CSNK1A1: variants seen among roughly 807,000 people sequenced by gnomAD.
CSNK1A1 encodes the protein casein kinase I isoform alpha.
In CSNK1A1, 7 loss-of-function variants were observed where a neutral mutation model predicts 46.1. The observed-to-expected ratio is 0.15, with a 90% CI of 0.09 to 0.29. CSNK1A1 has a LOEUF of 0.29. CSNK1A1 is among the 10% of genes least tolerant of loss of function. The pLI is 1.00. For missense variants in CSNK1A1, 96 were observed against 417.1 expected (o/e 0.23, Z 6.71); for synonymous variants, 137 against 141.5 (o/e 0.97, Z 0.23).
intron 2 of CSNK1A1, among the ~76,000 whole-genome samples, chr5:149,548,936 G>A (rs1010675387): frequency 2.6e-5 from 4 of 152,186 alleles, no homozygotes; most frequent in Non-Finnish European, 5.9e-5. Flanking sequence ...GATTATTGCT[G>A]GAAAATAGCT....
At chr5:149,514,680 T>C (rs967131323) in intron 4 of CSNK1A1, among the ~76,000 whole-genome samples, 2 of 152,328 alleles carry the variant, frequency 1.3e-5, no homozygotes, top group African/African-American at 2.4e-5. Flanking sequence ...ATTTAGGTTA[T>C]AAAGATCTGA....
Position 149,545,918 on chromosome 5 carries a change from T to C in CSNK1A1, c.230+4157A>G, listed in dbSNP as rs530715059. The C allele has an allele frequency of 2.0e-4, 48 of 240,820 alleles. No homozygotes were observed. The Admixed American group carries it at 2.4e-3, about 12-fold the overall frequency. The allele number at this position is 240,820 out of a possible 1,614,324, so 14.9% of individuals were successfully genotyped here. On this transcript the variant is annotated intron_variant, in intron 2 of 9. Transcript: ENST00000377843. ...GCTTTTTTTTTTTTGATACGGAGCC[T>C]CATTCTGTCGCCCAGGCTGGAGTGC...
intron 2 of CSNK1A1, chr5:149,549,387 A>C: frequency 1.5e-6 from 1 of 680,230 alleles, no homozygotes; most frequent in South Asian, 1.5e-5. Flanking sequence ...GTAATTCAAC[A>C]ATTTCGTGTC....
At chr5:149,497,935 G>A (rs1760705518) in intron 9 of CSNK1A1, 2 of 717,316 alleles carry the variant, frequency 2.8e-6, no homozygotes, top group Non-Finnish European at 3.4e-6. Flanking sequence ...CTGGGTTCAA[G>A]CGATTCTCCT....
At chr5:149,503,415 G>A in intron 9 of CSNK1A1, 1 of 985,398 alleles carries the variant, frequency 1.0e-6, no homozygotes, top group South Asian at 4.7e-5. Flanking sequence ...TCTGTGAAAT[G>A]GCACTTTTCA....
chr5:149,535,563 A>G (rs1443403497), intron 2 of CSNK1A1, among the ~76,000 whole-genome samples: 2 of 152,170 alleles, frequency 1.3e-5, no homozygotes, highest in Non-Finnish European at 2.9e-5. Flanking sequence ...TTTCAGAAAG[A>G]AAAAAAGAAA....
At position 149,495,792 on chromosome 5, in the gene CSNK1A1, T is replaced by G. The variant is rs1017070394; in HGVS notation, c.*1061A>C. 2 of 151,394 alleles carry G rather than the reference T, an allele frequency of 1.3e-5. No individual in the cohort carries two copies. The highest frequency in any genetic ancestry group is 2.4e-5 in the African/African-American group (1 of 41,154). 9.4% of individuals were successfully genotyped at this position (151,394 alleles called of 1,614,324 possible). A position where few individuals can be genotyped will look rare whatever the true frequency, so the allele number is the denominator to read the frequency against. On this transcript the variant is annotated 3_prime_UTR_variant, in exon 10 of 10. Coordinates refer to ENST00000377843, the MANE Select transcript of CSNK1A1 (RefSeq NM_001892.6). ...AAAAATGAAAGAATGCCTTTCCCCT[T>G]CAGACAAAAGAATTACTTTTTTCAT...
chr5:149,538,571 G>C (rs1762135998), intron 2 of CSNK1A1, among the ~76,000 whole-genome samples: 1 of 152,180 alleles, frequency 6.6e-6, no homozygotes, highest in African/African-American at 2.4e-5. Context: ...TGTAAGTACA[G>C]CTTGGTGGTA....
chr5:149,501,609 A>G, intron 9 of CSNK1A1: 1 of 985,152 alleles, frequency 1.0e-6, no homozygotes. Context: ...TTATGATAAA[A>G]CTCTGCTTAG....
At chr5:149,537,090 G>A (rs758674377) in intron 2 of CSNK1A1, among the ~76,000 whole-genome samples, 3 of 152,122 alleles carry the variant, frequency 2.0e-5, no homozygotes, top group South Asian at 2.1e-4. Flanking sequence ...AAAAGCAGTC[G>A]CCTGGCCAGG....
At chr5:149,510,643 TA>T (rs1444773485) in intron 6 of CSNK1A1, among the ~76,000 whole-genome samples, 1 of 151,788 alleles carries the variant, frequency 6.6e-6, no homozygotes, top group African/African-American at 2.4e-5. Flanking sequence ...TACACCCTGC[TA>T]TTTTTTTTTT....
At chr5:149,524,984 T>C in intron 3 of CSNK1A1, 61 bp downstream of exon 3, 1 of 1,444,712 alleles carries the variant, frequency 6.9e-7, no homozygotes, top group Non-Finnish European at 9.3e-7. Flanking sequence ...GATTTATGAA[T>C]AATGAAATTC....
chr5:149,514,283 G>A (rs1761330689), intron 4 of CSNK1A1, among the ~76,000 whole-genome samples: 1 of 152,120 alleles, frequency 6.6e-6, no homozygotes, highest in Non-Finnish European at 1.5e-5. Flanking sequence ...GTAGCTAATT[G>A]TTGTATGTAA....
chr5:149,531,208 C>T (rs891242925), intron 2 of CSNK1A1, among the ~76,000 whole-genome samples: 2 of 152,084 alleles, frequency 1.3e-5, no homozygotes, highest in East Asian at 1.9e-4. Context: ...TCAATTATAG[C>T]GAAATTGAAC....
rs1378210067 is a variant in CSNK1A1 at position 149,494,388 on chromosome 5, C to T, written c.*2465G>A. 6.6e-6 allele frequency: 1 copy of T among 152,116 alleles called. No individual in the cohort carries two copies. The highest frequency in any genetic ancestry group is 1.5e-5 in the Non-Finnish European group (1 of 68,028). The allele number at this position is 152,116 out of a possible 1,614,324, so 9.4% of individuals were successfully genotyped here. On this transcript the variant is annotated 3_prime_UTR_variant, in exon 10 of 10. Transcript: ENST00000377843. ...TTGTTATACCTTCCCAAAACAGAGACATTCAACAGTAGTTAGAATGGCCAT... is the reference window on the plus strand; with the variant it reads ...TTGTTATACCTTCCCAAAACAGAGATATTCAACAGTAGTTAGAATGGCCAT...
chr5:149,518,347 TG>T (rs1761459845), intron 4 of CSNK1A1, among the ~76,000 whole-genome samples: 1 of 152,154 alleles, frequency 6.6e-6, no homozygotes, highest in Non-Finnish European at 1.5e-5. Context: ...TCACTAAGAT[TG>T]GAGTGGCCAC....
intron 7 of CSNK1A1, among the ~76,000 whole-genome samples, chr5:149,508,253 A>G (rs1761099357): frequency 6.6e-6 from 1 of 152,204 alleles, no homozygotes; most frequent in Admixed American, 6.5e-5. Context: ...AAATTGGGTG[A>G]CCACTTGAAA....
intron 9 of CSNK1A1, chr5:149,503,456 G>A (rs1219767283): frequency 2.9e-5 from 29 of 985,314 alleles, no homozygotes; most frequent in South Asian, 4.7e-5. Flanking sequence ...CCTTGGAAGT[G>A]TATTTCTAAA....
chr5:149,537,390 C>CA (rs1762091829), intron 2 of CSNK1A1, among the ~76,000 whole-genome samples: 1 of 151,880 alleles, frequency 6.6e-6, no homozygotes, highest in African/African-American at 2.4e-5. Flanking sequence ...GAAAAACAAA[C>CA]AAAAAACAGT....
Sources: allele counts gnomAD v4.1 joint callset (sites outside exome capture counted in the v4.1 genomes callset), GRCh38; gene constraint gnomAD v4.1.1; transcripts MANE v1.5; gene names NCBI Gene and HGNC (gene_info 2026-07-23, HGNC 2026-07-21).